Variants in CLSTN2 observed in about 807,000 individuals in gnomAD.
The protein encoded by CLSTN2 is calsyntenin 2, also known as calsyntenin-2.
CLSTN2 carries 48 observed loss-of-function variants against 101.2 expected under a neutral mutation model. The ratio of observed to expected loss-of-function variants is 0.47; its 90% CI spans 0.38 to 0.60. The LOEUF (loss-of-function observed/expected upper bound fraction) is 0.60, where lower values mean the gene tolerates loss of function less well. CLSTN2 is among the 20% of genes least tolerant of loss of function. CLSTN2 has a pLI of 0.00. For missense variants in CLSTN2, 1,160 were observed against 1,238.2 expected, an observed-to-expected ratio of 0.94 and a Z score of 0.95; for synonymous variants, 481 against 463.6, an observed-to-expected ratio of 1.04 and a Z score of -0.48.
intron 2 of CLSTN2, among the ~76,000 whole-genome samples, chr3:140,368,519 C>T (rs1008134576): frequency 6.6e-6 from 1 of 152,182 alleles, no homozygotes; most frequent in African/African-American, 2.4e-5. Flanking sequence ...TTTCTCATCC[C>T]CCACTCCAGG....
chr3:140,420,291 C>CAAAAAAAA (rs777798328), intron 4 of CLSTN2, among the ~76,000 whole-genome samples: 1 of 134,400 alleles, frequency 7.4e-6, no homozygotes. Context: ...ACTCTGCCGC[C>CAAAAAAAA]AAAAAAAAAA....
chr3:140,116,725 C>T (rs763761578), intron 1 of CLSTN2, among the ~76,000 whole-genome samples: 6 of 152,096 alleles, frequency 3.9e-5, no homozygotes, highest in Non-Finnish European at 8.8e-5. Context: ...AAATAAATTA[C>T]CTGAGCACCA....
intron 1 of CLSTN2, among the ~76,000 whole-genome samples, chr3:140,000,490 T>G (rs2006806328): frequency 2.6e-5 from 4 of 152,172 alleles, no homozygotes; most frequent in Admixed American, 2.6e-4. Flanking sequence ...ATAATGAACA[T>G]TGGAATTATC....
intron 8 of CLSTN2, among the ~76,000 whole-genome samples, chr3:140,503,493 C>T (rs760269324): frequency 1.8e-4 from 28 of 152,120 alleles, no homozygotes; most frequent in Non-Finnish European, 4.0e-4. Flanking sequence ...GCTATGCCGT[C>T]TAGGTTTGTG....
At position 140,542,642 on chromosome 3, in the gene CLSTN2, C is replaced by A. The variant is rs568505861; in HGVS notation, c.1508-3873C>A. Among the ~76,000 whole-genome samples, 51 of 152,226 alleles carry A rather than the reference C, an allele frequency of 3.4e-4. No individual in the cohort carries two copies. The Middle Eastern group carries it at 0.01, about 30-fold the overall frequency. Reference sequence around the variant, plus strand: ...TACTGGCCTCCTGTTGAAAAATGCTCATTGAATCAATTTCCTGGAGCCTTG... The same window carrying A: ...TACTGGCCTCCTGTTGAAAAATGCTAATTGAATCAATTTCCTGGAGCCTTG... On this transcript the variant is annotated intron_variant, in intron 9 of 16. Transcript: ENST00000458420.
At position 140,153,558 on chromosome 3, in the gene CLSTN2, G is replaced by A. The variant is rs971309128; in HGVS notation, c.110-22393G>A. Among the ~76,000 whole-genome samples, 11 of 152,258 alleles carry A rather than the reference G, an allele frequency of 7.2e-5. 1 individual carries two copies. Among genetic ancestry groups the A allele is most frequent in the Admixed American group, 5.9e-4 (9 of 15,294 alleles). Reference sequence around the variant, plus strand: ...CCTGTGTGTATGTTGTAGACAGTGGGGGACGGGGTGGTGAAGTGTTGTTAA... The same window carrying A: ...CCTGTGTGTATGTTGTAGACAGTGGAGGACGGGGTGGTGAAGTGTTGTTAA... On this transcript the variant is annotated intron_variant, in intron 1 of 16. Transcript: ENST00000458420.
rs146520740 is a variant in CLSTN2, at chr3:140,543,112, G to T, written c.1508-3403G>T. On this transcript the variant is annotated intron_variant, in intron 9 of 16. Coordinates refer to ENST00000458420, the MANE Select transcript of CLSTN2 (RefSeq NM_022131.3). ...ATGTACCCTGAGGATATCACATGGTGTTGGGTACATATTGTATGCCCAGTA... is the reference window on the plus strand; with the variant it reads ...ATGTACCCTGAGGATATCACATGGTTTTGGGTACATATTGTATGCCCAGTA... Among the ~76,000 whole-genome samples the T allele has an allele frequency of 3.3e-5, 5 of 152,330 alleles. No individual in the cohort carries two copies. In the East Asian group the frequency reaches 9.7e-4, roughly 29 times the overall value.
chr3:140,122,816 T>A (rs6779871), intron 1 of CLSTN2, among the ~76,000 whole-genome samples: 3,437 of 152,260 alleles, frequency 0.023, 144 homozygotes, highest in African/African-American at 0.078. Context: ...TGCGGTCACA[T>A]ATTTTGTTGT....
intron 1 of CLSTN2, among the ~76,000 whole-genome samples, chr3:140,036,626 G>A (rs2007660828): frequency 1.3e-5 from 2 of 151,994 alleles, no homozygotes; most frequent in East Asian, 3.9e-4. Flanking sequence ...TCACAATTGT[G>A]TATGAAGTGA....
intron 1 of CLSTN2, among the ~76,000 whole-genome samples, chr3:140,099,259 C>T (rs2008925568): frequency 6.6e-6 from 1 of 152,158 alleles, no homozygotes; most frequent in South Asian, 2.1e-4. Flanking sequence ...TGATTCTGTG[C>T]TCTCAACTCT....
intron 1 of CLSTN2, among the ~76,000 whole-genome samples, chr3:140,013,393 C>A (rs890176371): frequency 8.5e-5 from 13 of 152,196 alleles, no homozygotes; most frequent in African/African-American, 3.1e-4. Context: ...GAGAGAAGGC[C>A]TAGCTACTTG....
At chr3:140,324,340 C>T (rs575950231) in intron 2 of CLSTN2, among the ~76,000 whole-genome samples, 250 of 152,296 alleles carry the variant, frequency 1.6e-3, no homozygotes, top group African/African-American at 5.6e-3. Flanking sequence ...TTGTACCCCT[C>T]TAGTTCTAGA....
intron 1 of CLSTN2, among the ~76,000 whole-genome samples, chr3:140,162,974 G>A (rs971993105): frequency 6.6e-6 from 1 of 152,244 alleles, no homozygotes. Flanking sequence ...CAAAAGTATA[G>A]CATTTCTTTC....
chr3:140,014,177 G>C (rs967929625), intron 1 of CLSTN2, among the ~76,000 whole-genome samples: 1 of 152,096 alleles, frequency 6.6e-6, no homozygotes, highest in Non-Finnish European at 1.5e-5. Flanking sequence ...AAGTAATGTC[G>C]AGAGCCTGTG....
At chr3:139,986,315 C>T (rs1400279171) in intron 1 of CLSTN2, among the ~76,000 whole-genome samples, 2 of 152,104 alleles carry the variant, frequency 1.3e-5, no homozygotes, top group African/African-American at 2.4e-5. Context: ...ACCCTTTATT[C>T]CATGGCTTCT....
At position 140,573,322 on chromosome 3, in the gene CLSTN2, G is replaced by A. The variant is rs1985624120; in HGVS notation, c.*7069G>A. On this transcript the variant is annotated 3_prime_UTR_variant, in exon 17 of 17. Transcript: ENST00000458420. ...CACAATTCAAACACTGAATTGCTTG[G>A]GGAATGGATGGCCTTCCTTGGAAGG... 1 of 152,144 alleles carries A rather than the reference G, an allele frequency of 6.6e-6. No homozygotes were observed. The highest frequency in any genetic ancestry group is 2.4e-5 in the African/African-American group (1 of 41,424). The allele number at this position is 152,144 out of a possible 1,614,324, so 9.4% of individuals were successfully genotyped here. A position where few individuals can be genotyped will look rare whatever the true frequency, so the allele number is the denominator to read the frequency against.
At chr3:140,339,172 G>A (rs2087469221) in intron 2 of CLSTN2, among the ~76,000 whole-genome samples, 1 of 152,168 alleles carries the variant, frequency 6.6e-6, no homozygotes, top group Non-Finnish European at 1.5e-5. Flanking sequence ...TACCTTGTCT[G>A]TACCATAAAG....
At chr3:140,519,225 C>T (rs1372310397) in intron 8 of CLSTN2, among the ~76,000 whole-genome samples, 1 of 152,192 alleles carries the variant, frequency 6.6e-6, no homozygotes, top group East Asian at 1.9e-4. Context: ...CTTTTGCATT[C>T]ACTGAGGAGT....
chr3:140,266,292 A>G (rs1003746832), intron 2 of CLSTN2, among the ~76,000 whole-genome samples: 2 of 152,204 alleles, frequency 1.3e-5, no homozygotes, highest in African/African-American at 4.8e-5. Context: ...ATGAGCAGAA[A>G]ATGAAACAAA....
Sources: gnomAD v4.1 joint callset for allele counts (sites outside exome capture counted in the v4.1 genomes callset) on GRCh38, gnomAD v4.1.1 for gene constraint, MANE v1.5 for transcripts, NCBI Gene and HGNC (gene_info 2026-07-23, HGNC 2026-07-21) for gene names.